SMOX: variants seen among roughly 807,000 people sequenced by gnomAD.
SMOX encodes spermine oxidase, also known as flavin containing amine oxidase.
SMOX carries 22 observed loss-of-function variants against 51.0 expected under a neutral mutation model. That is an observed-to-expected ratio of 0.43 (90% CI 0.31 to 0.62). The LOEUF is 0.62. Among genes scored for constraint, SMOX ranks in the 20% least tolerant of loss-of-function variants. The pLI, the probability that SMOX is intolerant of heterozygous loss-of-function variation, is 0.10. For synonymous variants in SMOX, 282 were observed against 307.8 expected (o/e 0.92, Z 0.88); for missense variants, 566 against 777.7 (o/e 0.73, Z 3.24).
rs1986557350 is a variant in SMOX at position 4,166,080 on chromosome 20, T to C, written c.-26-8950T>C. On this transcript the variant is annotated intron_variant, in intron 1 of 6. Coordinates refer to ENST00000305958, the MANE Select transcript of SMOX (RefSeq NM_175839.3). This position sits in a 1 kb window ranked among gnomAD's most constrained non-coding sequence, Gnocchi z 4.2. ...GAGCTTGAAAAGTTCACAGGAGGTG[T>C]TCAGAGCAATTGTGCCTAGCGCCTG... Among the ~76,000 whole-genome samples, 1 of 152,044 alleles carries C rather than the reference T, an allele frequency of 6.6e-6. No homozygotes were observed. Among genetic ancestry groups the C allele is most frequent in the Non-Finnish European group, 1.5e-5 (1 of 68,008 alleles).
At position 4,153,857 on chromosome 20, in the gene SMOX, GA is replaced by G. The variant is rs1413774135; in HGVS notation, c.-27+4881del. Among the ~76,000 whole-genome samples the G allele has an allele frequency of 6.6e-6, 1 of 152,206 alleles. No homozygotes were observed. Among genetic ancestry groups the G allele is most frequent in the East Asian group, 1.9e-4 (1 of 5,198 alleles). ...GGCCAAGCCTGAGGCGGGCAGGCTA[GA>G]GCTGAGGTGGACTTCCTGACAAGTA... On this transcript the variant is annotated intron_variant, in intron 1 of 6. Coordinates refer to ENST00000305958, the MANE Select transcript of SMOX (RefSeq NM_175839.3). This position sits in a 1 kb window ranked among gnomAD's most constrained non-coding sequence, Gnocchi z 4.4.
intron 1 of SMOX, among the ~76,000 whole-genome samples, chr20:4,151,269 C>CCCAAG (rs144974145): frequency 0.054 from 8,266 of 152,094 alleles, 548 homozygotes; most frequent in African/African-American, 0.16. Flanking sequence ...GGCTACCTGC[C>CCCAAG]CCAAGCCAAG....
At chr20:4,150,459 TG>T (rs940158252) in intron 1 of SMOX, among the ~76,000 whole-genome samples, 2 of 152,202 alleles carry the variant, frequency 1.3e-5, no homozygotes, top group African/African-American at 4.8e-5. Context: ...CTTCCCTCCT[TG>T]GCTGCCCTTT....
At chr20:4,180,535 TC>T (rs1214023492) in intron 3 of SMOX, among the ~76,000 whole-genome samples, 4 of 152,208 alleles carry the variant, frequency 2.6e-5, no homozygotes, top group African/African-American at 9.6e-5. Flanking sequence ...GGGCATGTGA[TC>T]CTGCCGCCTT....
Position 4,187,481 on chromosome 20 carries a change from C to G in SMOX, c.*74C>G. The G allele has an allele frequency of 5.7e-6, 9 of 1,566,022 alleles. No homozygotes were observed. The highest frequency in any genetic ancestry group is 7.8e-6 in the Non-Finnish European group (9 of 1,153,146). On this transcript the variant is annotated 3_prime_UTR_variant, in exon 7 of 7. Coordinates refer to ENST00000305958, the MANE Select transcript of SMOX (RefSeq NM_175839.3). The surrounding 1 kb of genome is among the most constrained non-coding windows in gnomAD (Gnocchi z 4.8). ...TGCCCCTTGCTGCCGTGTGCTCCTG[C>G]CTTCCTGATCCTCTGTAGAAAGGAT...
chr20:4,179,039 G>T (rs980652432), intron 3 of SMOX, among the ~76,000 whole-genome samples: 9 of 152,118 alleles, frequency 5.9e-5, no homozygotes, highest in Non-Finnish European at 1.2e-4. Flanking sequence ...CCTTGCTTTG[G>T]GGTGGTCCCT....
At chr20:4,174,396 CGGGGTCCATGCAAGTATCTT>C (rs1978662757) in intron 1 of SMOX, among the ~76,000 whole-genome samples, 1 of 151,728 alleles carries the variant, frequency 6.6e-6, no homozygotes, top group Non-Finnish European at 1.5e-5. Flanking sequence ...GGCAAGTATC[CGGGGTCCATGCAAGTATCTT>C]GGGGTCCAGG....
intron 1 of SMOX, 84 bp from the exon 2 acceptor site, chr20:4,174,946 T>G: frequency 7.4e-7 from 1 of 1,347,684 alleles, no homozygotes; most frequent in Non-Finnish European, 1.0e-6. Flanking sequence ...GAGGGCAGAG[T>G]GTGATGAAAG....
chr20:4,163,914 T>C (rs981788184), intron 1 of SMOX, among the ~76,000 whole-genome samples: 1 of 152,192 alleles, frequency 6.6e-6, no homozygotes. Context: ...ATTTCTGCAA[T>C]ATCCTGTTAG....
chr20:4,176,510 G>T (rs1371616372), intron 2 of SMOX, among the ~76,000 whole-genome samples: 2 of 152,116 alleles, frequency 1.3e-5, no homozygotes, highest in African/African-American at 4.8e-5. Context: ...CTTGAAGCAG[G>T]CCTGCAAAAA....
At chr20:4,168,119 A>AGGGGGGGGG (rs1986648702) in intron 1 of SMOX, among the ~76,000 whole-genome samples, 1 of 127,236 alleles carries the variant, frequency 7.9e-6, no homozygotes, top group South Asian at 2.9e-4. Context: ...AGAGCGGGGT[A>AGGGGGGGGG]GGGGTGGGGG....
intron 1 of SMOX, among the ~76,000 whole-genome samples, chr20:4,150,189 T>A (rs574211898): frequency 4.6e-5 from 7 of 152,202 alleles, no homozygotes; most frequent in Non-Finnish European, 8.8e-5. Context: ...CCTTAATCCC[T>A]CATTCCCTCC....
In SMOX at chr20:4,170,155, C is replaced by T. The variant is rs1439326157; in HGVS notation, c.-26-4875C>T. On this transcript the variant is annotated intron_variant, in intron 1 of 6. Transcript: ENST00000305958. This position sits in a 1 kb window ranked among gnomAD's most constrained non-coding sequence, Gnocchi z 4.6. Reference sequence around the variant, plus strand: ...ATGGGTGAGGCTCACATAGAGGAGGCGGGGTGGGGGGGTGCTTCTGGCGCA... The same window carrying T: ...ATGGGTGAGGCTCACATAGAGGAGGTGGGGTGGGGGGGTGCTTCTGGCGCA... 9.5e-5 allele frequency among the ~76,000 whole-genome samples: 3 copies of T among 31,430 alleles called. No individual in the cohort carries two copies. The highest frequency in any genetic ancestry group is 1.3e-4 in the African/African-American group (1 of 7,798). 20.6% of individuals were successfully genotyped at this position (31,430 alleles called of 152,430 possible). A position where few individuals can be genotyped will look rare whatever the true frequency, so the allele number is the denominator to read the frequency against.
chr20:4,172,758 G>T lies in SMOX; in HGVS notation c.-26-2272G>T, dbSNP rs1310690840. Among the ~76,000 whole-genome samples the T allele has an allele frequency of 6.7e-6, 1 of 149,376 alleles. No homozygotes were observed. Among genetic ancestry groups the T allele is most frequent in the Non-Finnish European group, 1.5e-5 (1 of 67,454 alleles). ...ATTCTGCACGGAGTTGGCGGGCCTG[G>T]GTCTCAGGGGGACTTGGAGGGATTT... On this transcript the variant is annotated intron_variant, in intron 1 of 6. Coordinates refer to ENST00000305958, the MANE Select transcript of SMOX (RefSeq NM_175839.3). This position sits in a 1 kb window ranked among gnomAD's most constrained non-coding sequence, Gnocchi z 7.7.
chr20:4,183,225 CG>C lies in SMOX; in HGVS notation c.1370-265del. The C allele has an allele frequency of 1.7e-6, 1 of 576,830 alleles. No individual in the cohort carries two copies. 35.7% of individuals were successfully genotyped at this position (576,830 alleles called of 1,614,324 possible). A position where few individuals can be genotyped will look rare whatever the true frequency, so the allele number is the denominator to read the frequency against. ...CCTCACGAGAACCCCCGATATTAGG[CG>C]GGGAAACATGATTATGTGTCATGTG... On this transcript the variant is annotated intron_variant, in intron 5 of 6. Coordinates refer to ENST00000305958, the MANE Select transcript of SMOX (RefSeq NM_175839.3). The surrounding 1 kb of genome is among the most constrained non-coding windows in gnomAD (Gnocchi z 4.3).
chr20:4,183,149 T>C lies in SMOX; in HGVS notation c.1369+301T>C, dbSNP rs777262622. On this transcript the variant is annotated intron_variant, in intron 5 of 6. Transcript: ENST00000305958. This position sits in a 1 kb window ranked among gnomAD's most constrained non-coding sequence, Gnocchi z 4.3. ...GTTGCTAAGAGCTGGATTTGCCTTT[T>C]ACTCTCTGAGTCTTTCAGCTCAACA... is the stretch of plus-strand genomic sequence containing the variant. 1.7e-6 allele frequency: 1 copy of C among 572,606 alleles called. No homozygotes were observed. The highest frequency in any genetic ancestry group is 3.1e-6 in the Non-Finnish European group (1 of 324,894). 35.5% of individuals were successfully genotyped at this position (572,606 alleles called of 1,614,324 possible). A position where few individuals can be genotyped will look rare whatever the true frequency, so the allele number is the denominator to read the frequency against.
At chr20:4,171,293 A>T (rs553200960) in intron 1 of SMOX, among the ~76,000 whole-genome samples, 13 of 152,166 alleles carry the variant, frequency 8.5e-5, no homozygotes, top group Non-Finnish European at 1.3e-4. Context: ...AAACAAAACA[A>T]AACCCAGAAG....
At chr20:4,185,714 C>T (rs1464635874) in intron 6 of SMOX, among the ~76,000 whole-genome samples, 3 of 103,904 alleles carry the variant, frequency 2.9e-5, no homozygotes, top group Non-Finnish European at 5.0e-5. Flanking sequence ...GCCAACATGG[C>T]GAAACCCTGT....
At chr20:4,175,433 A>G (rs975044053) in intron 2 of SMOX, among the ~76,000 whole-genome samples, 170 bp downstream of exon 2, 1 of 152,170 alleles carries the variant, frequency 6.6e-6, no homozygotes, top group African/African-American at 2.4e-5. Flanking sequence ...CAGCCCTCTG[A>G]GGCGGGCATG....
Sources: allele counts gnomAD v4.1 joint callset (sites outside exome capture counted in the v4.1 genomes callset), GRCh38; gene constraint gnomAD v4.1.1; non-coding constraint Gnocchi (gnomAD v3.1); transcripts MANE v1.5; gene names NCBI Gene and HGNC (gene_info 2026-07-23, HGNC 2026-07-21).